The following KIF1B variants were observed in gnomAD, a reference collection of about 807,000 sequenced individuals.
The protein encoded by KIF1B is kinesin family member 1B.
In KIF1B, 76 loss-of-function variants were observed where a neutral mutation model predicts 241.9. That is an observed-to-expected ratio of 0.31 (90% confidence interval 0.26 to 0.38). The LOEUF is 0.38. Among genes scored for constraint, KIF1B ranks in the 10% least tolerant of loss-of-function variants. The pLI is 1.00. For synonymous variants in KIF1B, 750 were observed against 796.7 expected (o/e 0.94, Z 0.99); for missense variants, 1,622 against 2,271.4 (o/e 0.71, Z 5.81).
rs1037805013 is a variant in KIF1B at position 10,337,292 on chromosome 1, A to G, written c.3260-79A>G. 2.4e-5 allele frequency: 38 copies of G among 1,612,436 alleles called. No individual in the cohort carries two copies. Among genetic ancestry groups the G allele is most frequent in the African/African-American group, 1.1e-4 (8 of 74,920 alleles). ...TCAAGGGACATAGTGGCCTTCATCA[A>G]CTAGGAATGGAAAGCATGCCCAACT... is the stretch of plus-strand genomic sequence containing the variant. On this transcript the variant is annotated intron_variant, in intron 30 of 48. Transcript: ENST00000676179. This position sits in a 1 kb window ranked among gnomAD's most constrained non-coding sequence, Gnocchi z 4.0.
chr1:10,278,099 G>A lies in KIF1B; in HGVS notation c.1151G>A (p.Arg384His), dbSNP rs753524217. 4.3e-6 allele frequency: 7 copies of A among 1,614,004 alleles called. No homozygotes were observed. The highest frequency in any genetic ancestry group is 1.3e-5 in the African/African-American group (1 of 75,026). ...EEVTRLKDLLRAQGLGDIIDI... is the reference protein window; with the variant it reads ...EEVTRLKDLLHAQGLGDIIDI... The stretch of plus-strand genomic sequence containing the variant: ...GTGACACGGCTGAAGGACCTTCTTC[G>A]TGCTCAGGGCCTGGGAGATATTATT... The change falls in exon 13 of 49, where the codon CGT (arginine) becomes CAT (histidine). Residue 384 changes from arginine to histidine, a missense_variant. Physicochemically the swap from Arg to His is conservative, Grantham distance 29. Around this residue, in one of 7 missense-constraint regions of KIF1B, gnomAD observed 201 missense variants for 301.2 expected, o/e 0.67. Coordinates refer to ENST00000676179, the MANE Select transcript of KIF1B (RefSeq NM_001365951.3).
At position 10,371,118 on chromosome 1, in the gene KIF1B, TGTA is replaced by T. The variant is rs751667121; in HGVS notation, c.4825-20_4825-18del. ...CAGCTTTTTTCAGCTGAATGTAACT[TGTA>T]GTGTTCGGTTTGCTTCCAGTTGTCT... On this transcript the variant is annotated intron_variant, in intron 44 of 48. Coordinates refer to ENST00000676179, the MANE Select transcript of KIF1B (RefSeq NM_001365951.3). 2.5e-6 allele frequency: 4 copies of T among 1,614,114 alleles called. No individual in the cohort carries two copies. In the South Asian group the frequency reaches 4.4e-5, roughly 18 times the overall value.
At position 10,365,803 on chromosome 1, in the gene KIF1B, A is replaced by G. The variant is rs545775563; in HGVS notation, c.4752+155A>G. On this transcript the variant is annotated intron_variant, in intron 43 of 48. Transcript: ENST00000676179. This position sits in a 1 kb window ranked among gnomAD's most constrained non-coding sequence, Gnocchi z 4.0. ...TAAAAAGACGCAGTTCCTACCCTCAACAAGCTTACAGGGCCAGGCACAGTG... is the reference window on the plus strand; with the variant it reads ...TAAAAAGACGCAGTTCCTACCCTCAGCAAGCTTACAGGGCCAGGCACAGTG... Among the ~76,000 whole-genome samples the G allele has an allele frequency of 1.3e-5, 2 of 152,242 alleles. No individual in the cohort carries two copies. The highest frequency in any genetic ancestry group is 1.9e-4 in the East Asian group (1 of 5,186).
At chr1:10,264,101 C>A (rs1648311090) in intron 5 of KIF1B, among the ~76,000 whole-genome samples, 1 of 152,152 alleles carries the variant, frequency 6.6e-6, no homozygotes, top group Admixed American at 6.6e-5. Flanking sequence ...GTATCTTGCC[C>A]TTTACCCCAC....
chr1:10,363,573 A>G (rs914196806), intron 41 of KIF1B, among the ~76,000 whole-genome samples: 3 of 151,796 alleles, frequency 2.0e-5, no homozygotes, highest in African/African-American at 7.3e-5. Flanking sequence ...CGTGCCTGTA[A>G]TCCCAGCTAC....
intron 27 of KIF1B, among the ~76,000 whole-genome samples, chr1:10,328,715 AG>A (rs1199228929): frequency 6.6e-6 from 1 of 152,240 alleles, no homozygotes. Flanking sequence ...AGTGAAGAGT[AG>A]GCAGCTTCAT....
intron 1 of KIF1B, among the ~76,000 whole-genome samples, chr1:10,229,369 G>A (rs1646948815): frequency 6.6e-6 from 1 of 151,990 alleles, no homozygotes; most frequent in Non-Finnish European, 1.5e-5. Flanking sequence ...CTCACAACTG[G>A]GAAATGTATG....
At chr1:10,250,290 G>A (rs999348642) in intron 2 of KIF1B, among the ~76,000 whole-genome samples, 3 of 151,662 alleles carry the variant, frequency 2.0e-5, no homozygotes, top group African/African-American at 4.8e-5. Flanking sequence ...CGACACAGAC[G>A]TGCAGTCATA....
At chr1:10,332,317 C>T (rs1398631408) in intron 27 of KIF1B, among the ~76,000 whole-genome samples, 5 of 151,936 alleles carry the variant, frequency 3.3e-5, no homozygotes, top group African/African-American at 7.2e-5. Context: ...CCGCCTGCCT[C>T]GGCCTCCCAA....
intron 22 of KIF1B, chr1:10,305,487 AG>A (rs1156425511): frequency 1.9e-6 from 2 of 1,059,688 alleles, no homozygotes; most frequent in Admixed American, 5.4e-5. Context: ...GTAGCTTGTA[AG>A]GAGGTTATTT....
chr1:10,273,091 A>T (rs1374982016), intron 10 of KIF1B, 60 bp downstream of exon 10: 1 of 1,261,348 alleles, frequency 7.9e-7, no homozygotes, highest in Non-Finnish European at 1.1e-6. Flanking sequence ...AATCCTCACT[A>T]GGATGTATGG....
At chr1:10,375,799 T>G (rs1395281924) in intron 48 of KIF1B, among the ~76,000 whole-genome samples, 1 of 132,034 alleles carries the variant, frequency 7.6e-6, no homozygotes, top group Non-Finnish European at 1.6e-5. Context: ...TTTTTTTTTT[T>G]TTTTTTTTTT....
chr1:10,380,701 G>A lies in KIF1B; in HGVS notation c.*4114G>A, dbSNP rs148005450. The stretch of plus-strand genomic sequence containing the variant: ...AGCCTGGGTGACAAAGCAGGACTCC[G>A]TCTCAAAAAAAAAGAAAAGATTCAT... On this transcript the variant is annotated 3_prime_UTR_variant, in exon 49 of 49. Coordinates refer to ENST00000676179, the MANE Select transcript of KIF1B (RefSeq NM_001365951.3). The A allele has an allele frequency of 1.2e-4, 24 of 204,678 alleles. No homozygotes were observed. The highest frequency in any genetic ancestry group is 4.3e-4 in the African/African-American group (19 of 43,718). 12.7% of individuals were successfully genotyped at this position (204,678 alleles called of 1,614,324 possible).
intron 38 of KIF1B, among the ~76,000 whole-genome samples, chr1:10,356,472 A>G (rs1569887339): frequency 6.6e-6 from 1 of 152,152 alleles, no homozygotes; most frequent in Admixed American, 6.5e-5. Context: ...AGATTCTCCT[A>G]ATGAACTCAA....
At chr1:10,305,375 G>C in intron 22 of KIF1B, 3 of 1,052,320 alleles carry the variant, frequency 2.9e-6, no homozygotes, top group Non-Finnish European at 3.4e-6. Context: ...GATTCTGTTT[G>C]TGGTTTGCAT....
chr1:10,255,755 T>G (rs1218206801), intron 2 of KIF1B, among the ~76,000 whole-genome samples: 1 of 152,226 alleles, frequency 6.6e-6, no homozygotes, highest in Non-Finnish European at 1.5e-5. Context: ...TGGTTTTTCA[T>G]GTTCCATGTA....
intron 15 of KIF1B, among the ~76,000 whole-genome samples, chr1:10,289,346 C>G (rs976768233): frequency 6.6e-6 from 1 of 152,170 alleles, no homozygotes; most frequent in Non-Finnish European, 1.5e-5. Flanking sequence ...ACATGCTGCT[C>G]TAGCAACACA....
In KIF1B at chr1:10,368,330, T is replaced by C. The variant is rs373288524; in HGVS notation, c.4753-137T>C. On this transcript the variant is annotated intron_variant, in intron 43 of 48. Transcript: ENST00000676179. ...AATGAACGGCAGATGGACGAATGCA[T>C]AGGGAGAGGAGATGTGGAGCTTCCA... 376 of 725,184 alleles carry C rather than the reference T, an allele frequency of 5.2e-4. 1 individual carries two copies. The highest frequency in any genetic ancestry group is 3.1e-3 in the South Asian group (219 of 69,704). The allele number at this position is 725,184 out of a possible 1,614,324, so 44.9% of individuals were successfully genotyped here.
Position 10,297,180 on chromosome 1 carries a change from G to A in KIF1B, c.2049G>A (p.Gln683=). 6.2e-7 allele frequency: 1 copy of A among 1,611,462 alleles called. No individual in the cohort carries two copies. Among genetic ancestry groups the A allele is most frequent in the Non-Finnish European group, 8.5e-7 (1 of 1,178,896 alleles). Residue 683 remains glutamine (Q), a synonymous_variant, in exon 22 of 49, where the codon CAG becomes CAA. Transcript: ENST00000676179. ...DMKQEMEKRL[Q]EMEILYKKEK... ...TTTTTTTTTTTACTTCTAGGCTACA[G>A]GAAATGGAGATCTTATACAAAAAGG...
Sources: gnomAD v4.1 joint callset for allele counts (sites outside exome capture counted in the v4.1 genomes callset) on GRCh38, gnomAD v4.1.1 for gene constraint, gnomAD v4.1.1 regional missense constraint, Gnocchi (gnomAD v3.1) non-coding constraint, MANE v1.5 for transcripts, NCBI Gene and HGNC (gene_info 2026-07-23, HGNC 2026-07-21) for gene names.